The following ATL3 variants were observed in gnomAD, a reference collection of about 807,000 sequenced individuals.
ATL3 encodes the protein atlastin GTPase 3, also known as atlastin-3.
ATL3 carries 49 observed loss-of-function variants against 69.5 expected under a neutral mutation model. That is an observed-to-expected ratio of 0.71 (90% CI 0.56 to 0.89). The LOEUF is 0.89. ATL3 is among the 40% of genes least tolerant of loss of function. ATL3 has a pLI of 0.00. For missense variants in ATL3, 606 were observed against 645.7 expected, an observed-to-expected ratio of 0.94 and a Z score of 0.67; for synonymous variants, 214 against 224.1, an observed-to-expected ratio of 0.95 and a Z score of 0.40.
chr11:63,641,376 A>G (rs1242467618), intron 8 of ATL3, among the ~76,000 whole-genome samples: 1 of 152,182 alleles, frequency 6.6e-6, no homozygotes, highest in African/African-American at 2.4e-5. Flanking sequence ...ATGCATGTCC[A>G]CCTGGAACTT....
chr11:63,624,254 A>G lies in ATL3; in HGVS notation c.*5065T>C, dbSNP rs1939030664. The G allele has an allele frequency of 6.6e-6, 1 of 152,216 alleles. No homozygotes were observed. The highest frequency in any genetic ancestry group is 1.5e-5 in the Non-Finnish European group (1 of 68,032). The allele number at this position is 152,216 out of a possible 1,614,324, so 9.4% of individuals were successfully genotyped here. On this transcript the variant is annotated 3_prime_UTR_variant, in exon 13 of 13. Transcript: ENST00000398868. ...GGTCTAGCAGACAGTACTTTTAACA[A>G]ATCATTTTTTAAAATAAAAAAACCT...
chr11:63,627,048 A>G lies in ATL3; in HGVS notation c.*2271T>C, dbSNP rs1031638033. On this transcript the variant is annotated 3_prime_UTR_variant, in exon 13 of 13. Coordinates refer to ENST00000398868, the MANE Select transcript of ATL3 (RefSeq NM_015459.5). ...ATTTAAATAGTAACTGAATCTTAAGATTTCATTAAATCATACATTATCACT... is the reference window on the plus strand; with the variant it reads ...ATTTAAATAGTAACTGAATCTTAAGGTTTCATTAAATCATACATTATCACT... 8.5e-5 allele frequency: 13 copies of G among 152,308 alleles called. No individual in the cohort carries two copies. The highest frequency in any genetic ancestry group is 5.8e-4 in the East Asian group (3 of 5,184). 9.4% of individuals were successfully genotyped at this position (152,308 alleles called of 1,614,324 possible).
intron 5 of ATL3, among the ~76,000 whole-genome samples, chr11:63,647,281 C>T (rs911703958): frequency 2.6e-5 from 4 of 152,222 alleles, no homozygotes; most frequent in African/African-American, 7.2e-5. Flanking sequence ...GCAACCTCCG[C>T]CTCCCGGGTT....
At chr11:63,653,877 G>T (rs775381903) in intron 3 of ATL3, among the ~76,000 whole-genome samples, 1 of 152,116 alleles carries the variant, frequency 6.6e-6, no homozygotes, top group Non-Finnish European at 1.5e-5. Context: ...GAATGTTTAG[G>T]GCAGTGTGAC....
rs1175052723 is a variant in ATL3 at position 63,632,943 on chromosome 11, A to C, written c.1107+83T>G. The stretch of plus-strand genomic sequence containing the variant: ...TTGCCTCATCACTTAAAGATACATT[A>C]AGTAGGATCAAGTTGGGCTTTTGAA... On this transcript the variant is annotated intron_variant, in intron 11 of 12. Transcript: ENST00000398868. 1.1e-5 allele frequency: 14 copies of C among 1,263,700 alleles called. No individual in the cohort carries two copies. In the East Asian group the frequency reaches 2.5e-4, roughly 23 times the overall value. 78.3% of individuals were successfully genotyped at this position (1,263,700 alleles called of 1,614,324 possible).
At chr11:63,648,851 C>T (rs1403011866) in intron 5 of ATL3, among the ~76,000 whole-genome samples, 1 of 150,896 alleles carries the variant, frequency 6.6e-6, no homozygotes, top group Non-Finnish European at 1.5e-5. Flanking sequence ...GGCACGGCGG[C>T]TCACATCTGT....
intron 1 of ATL3, among the ~76,000 whole-genome samples, chr11:63,659,788 T>C (rs544374794): frequency 6.6e-6 from 1 of 151,786 alleles, no homozygotes; most frequent in Admixed American, 6.6e-5. Flanking sequence ...ATACAAAAAT[T>C]AGCTGGGTGT....
At chr11:63,640,401 C>T (rs932067869) in intron 8 of ATL3, among the ~76,000 whole-genome samples, 1 of 151,790 alleles carries the variant, frequency 6.6e-6, no homozygotes, top group African/African-American at 2.4e-5. Flanking sequence ...AATCCTCCTA[C>T]CTCAGCCTTC....
chr11:63,629,538 G>T, intron 12 of ATL3, 133 bp from the exon 13 acceptor site: 3 of 735,288 alleles, frequency 4.1e-6, no homozygotes, highest in Non-Finnish European at 4.6e-6. Flanking sequence ...GAAAATGCAG[G>T]GATACAGAGA....
At chr11:63,671,213 G>A in intron 1 of ATL3, 77 bp downstream of exon 1, 1 of 1,475,132 alleles carries the variant, frequency 6.8e-7, no homozygotes, top group Non-Finnish European at 9.0e-7. Context: ...GGCGCGGGCG[G>A]GGGTTCTTTT....
At chr11:63,634,061 A>G (rs1590719427) in intron 10 of ATL3, among the ~76,000 whole-genome samples, 2 of 129,642 alleles carry the variant, frequency 1.5e-5, no homozygotes, top group South Asian at 2.4e-4. Flanking sequence ...AAAAAAAAGG[A>G]AAAAGCCGGG....
At chr11:63,634,318 A>G (rs535535253) in intron 10 of ATL3, among the ~76,000 whole-genome samples, 3 of 151,960 alleles carry the variant, frequency 2.0e-5, no homozygotes, top group East Asian at 3.9e-4. Context: ...CATCCTGGCT[A>G]ACACGGTGAA....
rs140821930 is a variant in ATL3 at position 63,640,097 on chromosome 11, T to C, written c.850+3260A>G. Among the ~76,000 whole-genome samples, 578 of 152,068 alleles carry C rather than the reference T, an allele frequency of 3.8e-3. 4 individuals carry two copies. Among genetic ancestry groups the C allele is most frequent in the African/African-American group, 0.014 (568 of 41,470 alleles). ...GCATGTGTCACCATGCCCAGCTAAT[T>C]TTGTATTTTTAGTAGCGATGGGGTT... On this transcript the variant is annotated intron_variant, in intron 8 of 12. Coordinates refer to ENST00000398868, the MANE Select transcript of ATL3 (RefSeq NM_015459.5).
chr11:63,671,263 G>T (rs772250767), intron 1 of ATL3, 27 bp downstream of exon 1: 1 of 1,567,002 alleles, frequency 6.4e-7, no homozygotes, highest in Non-Finnish European at 8.6e-7. Context: ...TGGCCGCGGG[G>T]CGATCCAGGG....
Position 63,624,365 on chromosome 11 carries a change from G to A in ATL3, c.*4954C>T, listed in dbSNP as rs1430852636. On this transcript the variant is annotated 3_prime_UTR_variant, in exon 13 of 13. Coordinates refer to ENST00000398868, the MANE Select transcript of ATL3 (RefSeq NM_015459.5). ...AGCATGTATCTAATTAGAAAGCTATGGGAATCAATGCTACCTTCCCTTGCT... is the reference window on the plus strand; with the variant it reads ...AGCATGTATCTAATTAGAAAGCTATAGGAATCAATGCTACCTTCCCTTGCT... The A allele has an allele frequency of 1.3e-5, 2 of 152,098 alleles. No homozygotes were observed. Among genetic ancestry groups the A allele is most frequent in the African/African-American group, 2.4e-5 (1 of 41,408 alleles). 9.4% of individuals were successfully genotyped at this position (152,098 alleles called of 1,614,324 possible). A position where few individuals can be genotyped will look rare whatever the true frequency, so the allele number is the denominator to read the frequency against.
intron 6 of ATL3, among the ~76,000 whole-genome samples, chr11:63,645,110 A>G (rs1342295500): frequency 1.3e-5 from 2 of 151,802 alleles, no homozygotes; most frequent in East Asian, 1.9e-4. Flanking sequence ...GTCTGTTTTC[A>G]GCATTAGAAA....
chr11:63,645,169 G>A (rs1480406860), intron 6 of ATL3, among the ~76,000 whole-genome samples: 1 of 152,086 alleles, frequency 6.6e-6, no homozygotes, highest in African/African-American at 2.4e-5. Flanking sequence ...TACTCTGGGA[G>A]GCCGAAGCAG....
intron 8 of ATL3, among the ~76,000 whole-genome samples, 158 bp from the exon 9 acceptor site, chr11:63,636,492 A>C (rs1262583632): frequency 6.6e-6 from 1 of 152,172 alleles, no homozygotes; most frequent in Non-Finnish European, 1.5e-5. Context: ...TAATCCTAGC[A>C]CTTTGGGAGG....
chr11:63,639,104 T>TA (rs1939611780), intron 8 of ATL3, among the ~76,000 whole-genome samples: 1 of 152,192 alleles, frequency 6.6e-6, no homozygotes, highest in Non-Finnish European at 1.5e-5. Flanking sequence ...CCCTTTTTTT[T>TA]AAATTCTGAA....
Sources: gnomAD v4.1 joint callset for allele counts (sites outside exome capture counted in the v4.1 genomes callset) on GRCh38, gnomAD v4.1.1 for gene constraint, MANE v1.5 for transcripts, NCBI Gene and HGNC (gene_info 2026-07-23, HGNC 2026-07-21) for gene names.